Variants in FAF1 observed in about 807,000 individuals in gnomAD.
FAF1 encodes Fas associated factor 1, also known as FAS-associated factor 1.
Under a neutral mutation model 92.5 loss-of-function variants are expected in FAF1, and 25 were observed. The ratio of observed to expected loss-of-function variants is 0.27; its 90% confidence interval spans 0.20 to 0.38. FAF1 has a LOEUF of 0.38. FAF1 is among the 10% of genes least tolerant of loss of function. The probability of loss-of-function intolerance (pLI) is 1.00; values close to 1 mark genes in which losing one functional copy is unlikely to be tolerated. For synonymous variants in FAF1, 234 were observed against 273.2 expected, an observed-to-expected ratio of 0.86 and a Z score of 1.42; for missense variants, 636 against 793.3, an observed-to-expected ratio of 0.80 and a Z score of 2.38.
intron 1 of FAF1, among the ~76,000 whole-genome samples, chr1:50,953,498 G>A (rs1256965188): frequency 1.3e-5 from 2 of 152,114 alleles, no homozygotes; most frequent in Non-Finnish European, 2.9e-5. Context: ...AGCACTTTGG[G>A]AAGCCACAGT....
intron 1 of FAF1, among the ~76,000 whole-genome samples, chr1:50,958,786 C>T (rs750202140): frequency 6.6e-6 from 1 of 152,060 alleles, no homozygotes; most frequent in Non-Finnish European, 1.5e-5. Flanking sequence ...GCCTACTAAG[C>T]TAGTGTTAGA....
At chr1:50,502,827 T>C (rs1358289712) in intron 15 of FAF1, among the ~76,000 whole-genome samples, 2 of 152,146 alleles carry the variant, frequency 1.3e-5, no homozygotes, top group Non-Finnish European at 2.9e-5. Flanking sequence ...ACTTTTTTTT[T>C]CTAATTTAAA....
chr1:50,548,397 A>G (rs1649136241), intron 13 of FAF1, among the ~76,000 whole-genome samples: 1 of 152,214 alleles, frequency 6.6e-6, no homozygotes, highest in Non-Finnish European at 1.5e-5. Flanking sequence ...TAGAAGAACC[A>G]TTGCTTACTC....
At chr1:50,696,673 T>C (rs771577475) in intron 7 of FAF1, among the ~76,000 whole-genome samples, 1 of 152,200 alleles carries the variant, frequency 6.6e-6, no homozygotes, top group African/African-American at 2.4e-5. Context: ...TTAAATTCTA[T>C]TTTGAACTCT....
chr1:50,888,477 G>C (rs1278959500), intron 1 of FAF1, among the ~76,000 whole-genome samples: 1 of 152,140 alleles, frequency 6.6e-6, no homozygotes, highest in African/African-American at 2.4e-5. Context: ...AATGCTTCCA[G>C]TTTTTGCCCA....
intron 8 of FAF1, 81 bp downstream of exon 8, chr1:50,655,361 T>C: frequency 1.1e-6 from 1 of 904,108 alleles, no homozygotes; most frequent in East Asian, 2.4e-5. Context: ...CATTTAATTG[T>C]GCTTATTATC....
At chr1:50,672,739 A>G (rs189127542) in intron 7 of FAF1, among the ~76,000 whole-genome samples, 14 of 152,340 alleles carry the variant, frequency 9.2e-5, no homozygotes, top group South Asian at 2.1e-4. Context: ...ATTTCATTAT[A>G]GTCCTTGAAC....
intron 1 of FAF1, among the ~76,000 whole-genome samples, chr1:50,941,912 T>G (rs6698809): frequency 1.3e-5 from 2 of 152,066 alleles, no homozygotes; most frequent in Non-Finnish European, 2.9e-5. Context: ...TTTAAAACCA[T>G]GTATTTCTTT....
intron 1 of FAF1, among the ~76,000 whole-genome samples, chr1:50,888,105 G>A (rs1644685200): frequency 6.6e-6 from 1 of 152,158 alleles, no homozygotes; most frequent in Admixed American, 6.5e-5. Context: ...TCCCTTGTAA[G>A]TTGGATTCCT....
chr1:50,608,003 G>A (rs923476738), intron 8 of FAF1, among the ~76,000 whole-genome samples: 14 of 152,250 alleles, frequency 9.2e-5, no homozygotes, highest in Non-Finnish European at 1.6e-4. Flanking sequence ...TGAAGTGGCA[G>A]TGTACAACAG....
chr1:50,648,299 T>G (rs888380171), intron 8 of FAF1, among the ~76,000 whole-genome samples: 5 of 151,618 alleles, frequency 3.3e-5, no homozygotes, highest in African/African-American at 9.7e-5. Context: ...AACAAAAAGG[T>G]CTTCAAGGAA....
intron 8 of FAF1, among the ~76,000 whole-genome samples, chr1:50,638,471 G>T (rs1357324749): frequency 7.0e-6 from 1 of 142,156 alleles, no homozygotes; most frequent in Non-Finnish European, 1.5e-5. Context: ...TTGAGATGGA[G>T]TCACGCTCTG....
intron 4 of FAF1, among the ~76,000 whole-genome samples, chr1:50,766,791 C>CAAAAAA (rs765570305): frequency 6.5e-5 from 4 of 61,916 alleles, no homozygotes; most frequent in East Asian, 6.7e-4. Context: ...AGCAAGCAAG[C>CAAAAAA]AAAAAAAAAA....
chr1:50,775,904 C>A (rs1660944568), intron 4 of FAF1, among the ~76,000 whole-genome samples: 1 of 152,004 alleles, frequency 6.6e-6, no homozygotes, highest in South Asian at 2.1e-4. Flanking sequence ...AACATGCCAA[C>A]AGGGAAAACA....
intron 2 of FAF1, among the ~76,000 whole-genome samples, chr1:50,836,036 G>A (rs1454092191): frequency 6.6e-6 from 1 of 151,972 alleles, no homozygotes; most frequent in Non-Finnish European, 1.5e-5. Flanking sequence ...AAAACACACT[G>A]TTCATTTGTA....
At chr1:50,901,176 T>C (rs1332806313) in intron 1 of FAF1, among the ~76,000 whole-genome samples, 1 of 152,218 alleles carries the variant, frequency 6.6e-6, no homozygotes, top group Non-Finnish European at 1.5e-5. Context: ...TTAAAAAATA[T>C]AATCCTGCTT....
chr1:50,705,458 T>C (rs1657636184), intron 7 of FAF1, among the ~76,000 whole-genome samples: 1 of 152,188 alleles, frequency 6.6e-6, no homozygotes, highest in Non-Finnish European at 1.5e-5. Flanking sequence ...ATAAGCATCC[T>C]CCAAAATGAA....
chr1:50,546,195 T>C (rs927008104), intron 13 of FAF1, among the ~76,000 whole-genome samples: 1 of 152,102 alleles, frequency 6.6e-6, no homozygotes, highest in Non-Finnish European at 1.5e-5. Flanking sequence ...TAAATAAAAT[T>C]ATAGTATATT....
intron 1 of FAF1, among the ~76,000 whole-genome samples, chr1:50,956,835 C>A (rs1645270736): frequency 6.6e-6 from 1 of 152,146 alleles, no homozygotes; most frequent in Non-Finnish European, 1.5e-5. Context: ...GTAATCCCAG[C>A]TACTCAGTAG....
Sources: allele counts gnomAD v4.1 joint callset (sites outside exome capture counted in the v4.1 genomes callset), GRCh38; gene constraint gnomAD v4.1.1; transcripts MANE v1.5; gene names NCBI Gene and HGNC (gene_info 2026-07-23, HGNC 2026-07-21).